Variants in CA12 observed in about 807,000 individuals in gnomAD.
The protein encoded by CA12 is carbonic anhydrase 12.
Under a neutral mutation model 46.8 loss-of-function variants are expected in CA12, and 36 were observed. That is an observed-to-expected ratio of 0.77 (90% CI 0.59 to 1.02). The LOEUF (loss-of-function observed/expected upper bound fraction) is 1.02, where lower values mean the gene tolerates loss of function less well. CA12 is among the 50% of genes least tolerant of loss of function. The pLI is 0.00. For missense variants in CA12, 436 were observed against 451.4 expected (o/e 0.97, Z 0.31); for synonymous variants, 202 against 187.0 (o/e 1.08, Z -0.65).
In CA12 at chr15:63,331,577, G is replaced by C. The variant is rs1241474926; in HGVS notation, c.875-3447C>G. On this transcript the variant is annotated intron_variant, in intron 8 of 10. Transcript: ENST00000178638. The surrounding 1 kb of genome is among the most constrained non-coding windows in gnomAD (Gnocchi z 5.3). ...CTGGTAAGAGGGTGCACACCATGAG[G>C]ACGTGGGAGAGCCGCCTGTTCACAA... 6.6e-6 allele frequency: 1 copy of C among 152,200 alleles called. No homozygotes were observed. Among genetic ancestry groups the C allele is most frequent in the Non-Finnish European group, 1.5e-5 (1 of 68,044 alleles). The allele number at this position is 152,200 out of a possible 1,614,324, so 9.4% of individuals were successfully genotyped here. A position where few individuals can be genotyped will look rare whatever the true frequency, so the allele number is the denominator to read the frequency against.
At chr15:63,359,285 T>C (rs1289560289) in intron 2 of CA12, among the ~76,000 whole-genome samples, 1 of 151,800 alleles carries the variant, frequency 6.6e-6, no homozygotes, top group Non-Finnish European at 1.5e-5. Context: ...TCACCATCTT[T>C]TCCTCCCCCT....
intron 2 of CA12, among the ~76,000 whole-genome samples, chr15:63,357,273 G>T (rs1408761869): frequency 2.0e-5 from 3 of 152,212 alleles, no homozygotes; most frequent in African/African-American, 7.2e-5. Flanking sequence ...CACACCCTCA[G>T]AGTTTCTGAT....
intron 2 of CA12, among the ~76,000 whole-genome samples, chr15:63,368,326 C>G (rs1394263888): frequency 6.6e-6 from 1 of 152,170 alleles, no homozygotes; most frequent in Non-Finnish European, 1.5e-5. Context: ...GCCATGGTGC[C>G]TGCGCTCCAC....
chr15:63,365,920 C>T (rs927787850), intron 2 of CA12, among the ~76,000 whole-genome samples: 16 of 152,140 alleles, frequency 1.1e-4, no homozygotes, highest in Admixed American at 3.9e-4. Context: ...GGGGAGATCA[C>T]TTGAGGTCAG....
Position 63,340,559 on chromosome 15 carries a change from T to C in CA12, c.590-114A>G. On this transcript the variant is annotated intron_variant, in intron 6 of 10. Transcript: ENST00000178638. This position sits in a 1 kb window ranked among gnomAD's most constrained non-coding sequence, Gnocchi z 4.4. Reference sequence around the variant, plus strand: ...TGAACTAGCCCCTTTCAGGGTCATCTAACCCCAGGACCTGGTTGCAACATT... The same window carrying C: ...TGAACTAGCCCCTTTCAGGGTCATCCAACCCCAGGACCTGGTTGCAACATT... 6.8e-7 allele frequency: 1 copy of C among 1,471,804 alleles called. No individual in the cohort carries two copies. Among genetic ancestry groups the C allele is most frequent in the Non-Finnish European group, 9.5e-7 (1 of 1,051,628 alleles). The allele number at this position is 1,471,804 out of a possible 1,614,324, so 91.2% of individuals were successfully genotyped here.
rs931894372 is a variant in CA12, at chr15:63,345,198, C to A, written c.429+279G>T. Among the ~76,000 whole-genome samples, 1 of 152,244 alleles carries A rather than the reference C, an allele frequency of 6.6e-6. No homozygotes were observed. The highest frequency in any genetic ancestry group is 2.4e-5 in the African/African-American group (1 of 41,462). Reference sequence around the variant, plus strand: ...CTAAAAGAAGGGCATGTATGTCCCACTGGGCCACCCTGGGAATACTGCCTC... The same window carrying A: ...CTAAAAGAAGGGCATGTATGTCCCAATGGGCCACCCTGGGAATACTGCCTC... On this transcript the variant is annotated intron_variant, in intron 4 of 10. Transcript: ENST00000178638. This position sits in a 1 kb window ranked among gnomAD's most constrained non-coding sequence, Gnocchi z 4.3.
rs2039058453 is a variant in CA12 at position 63,340,213 on chromosome 15, CATTG to C, written c.747+71_747+74del. On this transcript the variant is annotated intron_variant, in intron 7 of 10. Transcript: ENST00000178638. This position sits in a 1 kb window ranked among gnomAD's most constrained non-coding sequence, Gnocchi z 4.4. ...ATGAAACTAAATGAGGAAATCAAGT[CATTG>C]ATTGTGATATGGAGGATGATGGGGA... 3 of 1,492,882 alleles carry C rather than the reference CATTG, an allele frequency of 2.0e-6. No homozygotes were observed. The highest frequency in any genetic ancestry group is 1.7e-4 in the Middle Eastern group (1 of 5,810). 92.5% of individuals were successfully genotyped at this position (1,492,882 alleles called of 1,614,324 possible). A position where few individuals can be genotyped will look rare whatever the true frequency, so the allele number is the denominator to read the frequency against.
At chr15:63,358,154 A>G (rs139444424) in intron 2 of CA12, among the ~76,000 whole-genome samples, 36 of 152,348 alleles carry the variant, frequency 2.4e-4, no homozygotes, top group African/African-American at 8.7e-4. Context: ...TGTGTAAAAT[A>G]GTTATTGACC....
At chr15:63,379,396 G>A (rs1339792921) in intron 1 of CA12, among the ~76,000 whole-genome samples, 2 of 152,120 alleles carry the variant, frequency 1.3e-5, no homozygotes, top group South Asian at 2.1e-4. Context: ...GTGTGCACGC[G>A]CACGAAAGTG....
At chr15:63,344,169 A>G (rs1242998393) in intron 4 of CA12, among the ~76,000 whole-genome samples, 1 of 152,202 alleles carries the variant, frequency 6.6e-6, no homozygotes, top group African/African-American at 2.4e-5. Context: ...ATGAATGCAC[A>G]AGTGACTATT....
intron 2 of CA12, among the ~76,000 whole-genome samples, chr15:63,371,192 G>T (rs755979190): frequency 6.6e-6 from 1 of 152,204 alleles, no homozygotes; most frequent in Non-Finnish European, 1.5e-5. Flanking sequence ...AAATATTTCC[G>T]CAGATACAGG....
intron 2 of CA12, among the ~76,000 whole-genome samples, chr15:63,368,356 G>A (rs539406147): frequency 2.6e-5 from 4 of 152,248 alleles, no homozygotes; most frequent in East Asian, 1.9e-4. Flanking sequence ...TGCACCCTTC[G>A]CCCAGCAGTT....
rs1442358039 is a variant in CA12, at chr15:63,381,697, C to T, written c.24G>A (p.Ala8=). The stretch of plus-strand genomic sequence containing the variant: ...AGATCACCAGCAGGAGCACGGCCGC[C>T]GCGTGCAGGCTGCGCCGGGGCATCT... MPRRSLH[A]AAVLLLVILK... The change falls in exon 1 of 11, where the codon GCG becomes GCA. Residue 8 remains alanine (A), a synonymous_variant. Transcript: ENST00000178638. 3 of 1,608,384 alleles carry T rather than the reference C, an allele frequency of 1.9e-6. No homozygotes were observed. Among genetic ancestry groups the T allele is most frequent in the Non-Finnish European group, 1.7e-6 (2 of 1,177,548 alleles).
rs562720145 is a variant in CA12, at chr15:63,325,359, G to T, written c.*926C>A. 2 of 152,120 alleles carry T rather than the reference G, an allele frequency of 1.3e-5. No individual in the cohort carries two copies. Among genetic ancestry groups the T allele is most frequent in the Non-Finnish European group, 2.9e-5 (2 of 68,038 alleles). The allele number at this position is 152,120 out of a possible 1,614,324, so 9.4% of individuals were successfully genotyped here. On this transcript the variant is annotated 3_prime_UTR_variant, in exon 11 of 11. Transcript: ENST00000178638. The surrounding 1 kb of genome is among the most constrained non-coding windows in gnomAD (Gnocchi z 4.9). ...ATCTCGGAACTCATGTCTCCTCCAG[G>T]ACACAGCAACAACACATTTTCAAGG...
chr15:63,362,278 A>G (rs1387769151), intron 2 of CA12, among the ~76,000 whole-genome samples: 1 of 152,222 alleles, frequency 6.6e-6, no homozygotes, highest in African/African-American at 2.4e-5. Flanking sequence ...TAACAATGCT[A>G]TGATATAGAC....
chr15:63,353,817 G>T (rs1163953108), intron 2 of CA12, among the ~76,000 whole-genome samples: 1 of 152,158 alleles, frequency 6.6e-6, no homozygotes, highest in African/African-American at 2.4e-5. Context: ...AAAGTGCTGG[G>T]ATTATAGATG....
chr15:63,370,188 C>T (rs376425656), intron 2 of CA12, among the ~76,000 whole-genome samples: 12 of 152,242 alleles, frequency 7.9e-5, no homozygotes, highest in East Asian at 1.9e-4. Flanking sequence ...CTGCCAGGCA[C>T]GGTGGCTCAC....
rs2039608668 is a variant in CA12 at position 63,378,771 on chromosome 15, C to G, written c.85+2865G>C. 1 of 152,212 alleles carries G rather than the reference C, an allele frequency of 6.6e-6. No homozygotes were observed. Among genetic ancestry groups the G allele is most frequent in the Non-Finnish European group, 1.5e-5 (1 of 68,054 alleles). The allele number at this position is 152,212 out of a possible 1,614,324, so 9.4% of individuals were successfully genotyped here. On this transcript the variant is annotated intron_variant, in intron 1 of 10. Coordinates refer to ENST00000178638, the MANE Select transcript of CA12 (RefSeq NM_001218.5). The surrounding 1 kb of genome is among the most constrained non-coding windows in gnomAD (Gnocchi z 4.8). ...GATCATTACCTCTTAGCAGGCAGAA[C>G]AGTTGGAGGCCCAGGATGTAAAATT...
intron 1 of CA12, among the ~76,000 whole-genome samples, chr15:63,381,397 G>A (rs1006836001): frequency 1.3e-5 from 2 of 152,286 alleles, no homozygotes; most frequent in Admixed American, 6.5e-5. Context: ...GGCGGTGCCC[G>A]GGAGTACACG....
Sources: gnomAD v4.1 joint callset for allele counts (sites outside exome capture counted in the v4.1 genomes callset) on GRCh38, gnomAD v4.1.1 for gene constraint, Gnocchi (gnomAD v3.1) non-coding constraint, MANE v1.5 for transcripts, NCBI Gene and HGNC (gene_info 2026-07-23, HGNC 2026-07-21) for gene names.